Variants in DENND5A observed in about 807,000 individuals in gnomAD.
DENND5A encodes the protein DENN domain containing 5A, also known as DENN domain-containing protein 5A.
DENND5A carries 64 observed loss-of-function variants against 140.3 expected under a neutral mutation model. The ratio of observed to expected loss-of-function variants is 0.46; its 90% CI spans 0.37 to 0.56. The LOEUF is 0.56. Ranked by LOEUF, DENND5A falls within the 20% of genes least tolerant of loss-of-function variation. The pLI is 0.00. For synonymous variants in DENND5A, 605 were observed against 607.7 expected (o/e 1.00, Z 0.07); for missense variants, 1,292 against 1,593.8 (o/e 0.81, Z 3.22).
chr11:9,224,233 G>A (rs1850441700), intron 1 of DENND5A, among the ~76,000 whole-genome samples: 1 of 152,078 alleles, frequency 6.6e-6, no homozygotes, highest in Non-Finnish European at 1.5e-5. Context: ...AAAACAACAT[G>A]CCTAAAGGAA....
chr11:9,166,554 C>T (rs970864122), intron 10 of DENND5A, among the ~76,000 whole-genome samples: 16 of 152,136 alleles, frequency 1.1e-4, no homozygotes, highest in African/African-American at 3.9e-4. Context: ...AAGAGTCAGG[C>T]AAGGCGCAGT....
rs958416074 is a variant in DENND5A, at chr11:9,180,753, T to C, written c.1455+14A>G. The C allele has an allele frequency of 5.0e-6, 8 of 1,611,444 alleles. No homozygotes were observed. In the African/African-American group the frequency reaches 6.7e-5, roughly 13 times the overall value. Reference sequence around the variant, plus strand: ...ACAGATCACACGTGTCACAGACTCATATACACATCTTACCTTTTCCAGGCT... The same window carrying C: ...ACAGATCACACGTGTCACAGACTCACATACACATCTTACCTTTTCCAGGCT... On this transcript the variant is annotated intron_variant, in intron 6 of 22. Transcript: ENST00000328194.
Position 9,200,826 on chromosome 11 carries a change from C to T in DENND5A, c.949+2834G>A, listed in dbSNP as rs118015299. On this transcript the variant is annotated intron_variant, in intron 4 of 22. Coordinates refer to ENST00000328194, the MANE Select transcript of DENND5A (RefSeq NM_015213.4). ...CTTCCATTCTCCCTTTGGGGATATA[C>T]TCTTAATATAATGGCCAGAGTGATC... Among the ~76,000 whole-genome samples, 1,495 of 152,308 alleles carry T rather than the reference C, an allele frequency of 9.8e-3. 11 individuals carry two copies. The highest frequency in any genetic ancestry group is 0.016 in the Non-Finnish European group (1,094 of 68,030).
At chr11:9,139,912 G>T in intron 22 of DENND5A, 58 bp from the exon 23 acceptor site, 1 of 1,547,692 alleles carries the variant, frequency 6.5e-7, no homozygotes, top group Non-Finnish European at 8.9e-7. Context: ...GGAAGAGAGA[G>T]CGTTAGTGCA....
intron 1 of DENND5A, among the ~76,000 whole-genome samples, chr11:9,252,944 G>T (rs1851794731): frequency 6.6e-6 from 1 of 150,972 alleles, no homozygotes; most frequent in Admixed American, 6.6e-5. Flanking sequence ...GGACCTCCCT[G>T]GACTCAGCTG....
At position 9,145,688 on chromosome 11, in the gene DENND5A, C is replaced by G; in HGVS notation, c.2985G>C (p.Val995=). ...ETQIMQIPRN[V]LEMTFECQNL... ...CACATACCTCGAAGGTCATCTCTAG[C>G]ACATTCCTGGGAATCTGCATGATCT... The change falls in exon 17 of 23, where the codon GTG becomes GTC. Residue 995 remains valine, a synonymous_variant. Coordinates refer to ENST00000328194, the MANE Select transcript of DENND5A (RefSeq NM_015213.4). 1 of 1,614,230 alleles carries G rather than the reference C, an allele frequency of 6.2e-7. No homozygotes were observed. Among genetic ancestry groups the G allele is most frequent in the South Asian group, 1.1e-5 (1 of 91,082 alleles).
In DENND5A at chr11:9,196,466, A is replaced by G. The variant is rs147293379; in HGVS notation, c.950-2785T>C. Among the ~76,000 whole-genome samples the G allele has an allele frequency of 6.6e-5, 10 of 152,328 alleles. No homozygotes were observed. In the East Asian group the frequency reaches 7.7e-4, roughly 12 times the overall value. On this transcript the variant is annotated intron_variant, in intron 4 of 22. Coordinates refer to ENST00000328194, the MANE Select transcript of DENND5A (RefSeq NM_015213.4). ...ATATACACGGCTATATCTACAAGTA[A>G]GCAGAAAACAGTGGTAACCTCCCTG...
At chr11:9,190,702 A>T (rs1000393898) in intron 5 of DENND5A, among the ~76,000 whole-genome samples, 2 of 152,222 alleles carry the variant, frequency 1.3e-5, no homozygotes, top group Admixed American at 1.3e-4. Context: ...GACTGTAGTT[A>T]AAAGATACCA....
intron 12 of DENND5A, among the ~76,000 whole-genome samples, chr11:9,153,401 T>TAACATCAAC (rs1418415471): frequency 2.4e-4 from 35 of 148,806 alleles, no homozygotes; most frequent in East Asian, 1.8e-3. Flanking sequence ...CTCTAAATGG[T>TAACATCAAC]CTGCTGGTTT....
At chr11:9,211,481 G>A (rs1249610698) in intron 1 of DENND5A, among the ~76,000 whole-genome samples, 1 of 152,144 alleles carries the variant, frequency 6.6e-6, no homozygotes, top group East Asian at 1.9e-4. Context: ...ACAGAATCTA[G>A]TTCTTTACAA....
At chr11:9,236,602 G>A (rs909783798) in intron 1 of DENND5A, among the ~76,000 whole-genome samples, 6 of 151,942 alleles carry the variant, frequency 3.9e-5, no homozygotes, top group Admixed American at 6.6e-5. Flanking sequence ...GAAGACACAA[G>A]CTAGGCATTG....
intron 8 of DENND5A, 40 bp from the exon 9 acceptor site, chr11:9,170,817 C>T (rs772624082): frequency 6.3e-6 from 9 of 1,417,518 alleles, no homozygotes; most frequent in African/African-American, 3.2e-5. Context: ...CACACACACA[C>T]ATAAATACAC....
chr11:9,164,959 T>G (rs1303747174), intron 11 of DENND5A, among the ~76,000 whole-genome samples: 1 of 152,174 alleles, frequency 6.6e-6, no homozygotes, highest in Non-Finnish European at 1.5e-5. Context: ...ATCCTGTCTT[T>G]AAAAAAGTTT....
At chr11:9,237,262 CAA>C (rs1590319466) in intron 1 of DENND5A, among the ~76,000 whole-genome samples, 2 of 151,884 alleles carry the variant, frequency 1.3e-5, no homozygotes, top group African/African-American at 4.8e-5. Context: ...ACTAAAAATA[CAA>C]AAAATTAGCC....
At chr11:9,141,913 G>A in intron 22 of DENND5A, 27 bp downstream of exon 22, 1 of 1,550,250 alleles carries the variant, frequency 6.5e-7, no homozygotes, top group Non-Finnish European at 8.7e-7. Context: ...TAACCGCTGT[G>A]CACTCTGGGC....
intron 1 of DENND5A, among the ~76,000 whole-genome samples, chr11:9,264,755 G>C (rs1590358034): frequency 1.3e-5 from 2 of 152,090 alleles, no homozygotes; most frequent in East Asian, 3.9e-4. Flanking sequence ...TGCGCAGCGG[G>C]CCGTAGGTTT....
At chr11:9,250,313 C>A (rs1320491119) in intron 1 of DENND5A, among the ~76,000 whole-genome samples, 1 of 151,336 alleles carries the variant, frequency 6.6e-6, no homozygotes, top group Non-Finnish European at 1.5e-5. Flanking sequence ...CTAGTAACTA[C>A]CTAGTCTAAG....
At chr11:9,224,283 T>C (rs1850443602) in intron 1 of DENND5A, among the ~76,000 whole-genome samples, 1 of 152,126 alleles carries the variant, frequency 6.6e-6, no homozygotes, top group Non-Finnish European at 1.5e-5. Context: ...GTGAGAAAGC[T>C]TGGGGGTCTA....
At chr11:9,235,824 G>C (rs1850977035) in intron 1 of DENND5A, among the ~76,000 whole-genome samples, 1 of 152,144 alleles carries the variant, frequency 6.6e-6, no homozygotes, top group Admixed American at 6.6e-5. Context: ...GGGAGACAAG[G>C]AAATGAGAAG....
Sources: gnomAD v4.1 joint callset for allele counts (sites outside exome capture counted in the v4.1 genomes callset) on GRCh38, gnomAD v4.1.1 for gene constraint, MANE v1.5 for transcripts, NCBI Gene and HGNC (gene_info 2026-07-23, HGNC 2026-07-21) for gene names.